PDE10A: variants seen among roughly 807,000 people sequenced by gnomAD.
PDE10A encodes the protein phosphodiesterase 10A, also known as cAMP and cAMP-inhibited cGMP 3',5'-cyclic phosphodiesterase 10A.
Under a neutral mutation model 97.7 loss-of-function variants are expected in PDE10A, and 39 were observed. The observed-to-expected ratio is 0.40, with a 90% CI of 0.31 to 0.52. PDE10A has a LOEUF of 0.52. Ranked by LOEUF, PDE10A falls within the 20% of genes least tolerant of loss-of-function variation. The pLI is 0.56. For synonymous variants in PDE10A, 371 were observed against 376.8 expected (o/e 0.98, Z 0.18); for missense variants, 731 against 1,047.8 (o/e 0.70, Z 4.17).
At chr6:165,689,759 C>T (rs1369887091) in intron 1 of PDE10A, among the ~76,000 whole-genome samples, 1 of 152,256 alleles carries the variant, frequency 6.6e-6, no homozygotes, top group Non-Finnish European at 1.5e-5. Flanking sequence ...AACCTCTTAC[C>T]CAGTCGTGGG....
At chr6:165,771,400 T>TA (rs1305677224) in intron 1 of PDE10A, among the ~76,000 whole-genome samples, 5 of 151,946 alleles carry the variant, frequency 3.3e-5, no homozygotes, top group African/African-American at 1.2e-4. Context: ...ACATGAGCCC[T>TA]ACAGACGTTT....
intron 1 of PDE10A, among the ~76,000 whole-genome samples, chr6:165,755,520 G>T (rs1546141): frequency 0.17 from 26,519 of 152,018 alleles, 2,661 homozygotes; most frequent in East Asian, 0.36. Flanking sequence ...CTTAAAATAC[G>T]GCACAAAATT....
chr6:165,442,695 G>A (rs1423122396), intron 5 of PDE10A, among the ~76,000 whole-genome samples: 2 of 152,050 alleles, frequency 1.3e-5, no homozygotes, highest in Non-Finnish European at 2.9e-5. Flanking sequence ...TTTTGGTGGG[G>A]CAACAGAGTC....
intron 1 of PDE10A, among the ~76,000 whole-genome samples, chr6:165,978,193 C>G (rs1180880891): frequency 6.6e-6 from 1 of 152,152 alleles, no homozygotes; most frequent in East Asian, 1.9e-4. Flanking sequence ...TAAAATTCAC[C>G]TAAGCTGTTT....
intron 2 of PDE10A, among the ~76,000 whole-genome samples, chr6:165,505,536 G>C (rs1781142787): frequency 6.6e-6 from 1 of 152,114 alleles, no homozygotes; most frequent in African/African-American, 2.4e-5. Context: ...AAATAAATAT[G>C]CAGCTAGGTC....
chr6:165,372,950 A>C, intron 18 of PDE10A, among the ~76,000 whole-genome samples: 1 of 150,138 alleles, frequency 6.7e-6, no homozygotes, highest in Non-Finnish European at 1.5e-5. Context: ...CTGATCTTTG[A>C]CAAACCTGAC....
At chr6:165,430,211 C>T in intron 9 of PDE10A, 76 bp downstream of exon 9, 1 of 993,618 alleles carries the variant, frequency 1.0e-6, no homozygotes, top group South Asian at 1.4e-5. Flanking sequence ...AGACAATGGT[C>T]TATTTCTGCC....
intron 1 of PDE10A, among the ~76,000 whole-genome samples, chr6:165,734,965 GATAGATA>G (rs1792528778): frequency 1.3e-5 from 2 of 151,462 alleles, no homozygotes; most frequent in African/African-American, 2.4e-5. Flanking sequence ...TAGATAGATA[GATAGATA>G]GATAGATAGA....
At chr6:165,937,861 C>G (rs1783386419) in intron 1 of PDE10A, among the ~76,000 whole-genome samples, 1 of 152,198 alleles carries the variant, frequency 6.6e-6, no homozygotes, top group Non-Finnish European at 1.5e-5. Context: ...GCTAACCAAA[C>G]TAGTCTTGTT....
intron 1 of PDE10A, among the ~76,000 whole-genome samples, chr6:165,695,627 A>G (rs1320509462): frequency 6.6e-6 from 1 of 152,212 alleles, no homozygotes; most frequent in African/African-American, 2.4e-5. Context: ...TAGCTCCTGT[A>G]TCTTCGCAGA....
intron 1 of PDE10A, among the ~76,000 whole-genome samples, chr6:165,745,868 G>T (rs1792831164): frequency 6.6e-6 from 1 of 152,204 alleles, no homozygotes; most frequent in Non-Finnish European, 1.5e-5. Context: ...GTTACTCCTG[G>T]TGCAGAAGGA....
At chr6:165,811,920 C>G (rs62427304) in intron 1 of PDE10A, among the ~76,000 whole-genome samples, 9,735 of 152,140 alleles carry the variant, frequency 0.064, 405 homozygotes, top group South Asian at 0.11. Flanking sequence ...GTGGTGCGAT[C>G]TCAGCTCACT....
chr6:165,406,987 T>C (rs1158977058), intron 13 of PDE10A, among the ~76,000 whole-genome samples: 1 of 152,130 alleles, frequency 6.6e-6, no homozygotes, highest in Non-Finnish European at 1.5e-5. Flanking sequence ...GTTGTGAGGC[T>C]TTCAGACTTG....
At chr6:165,842,611 CTCGTTTTAG>C (rs1412339406) in intron 1 of PDE10A, among the ~76,000 whole-genome samples, 6 of 152,212 alleles carry the variant, frequency 3.9e-5, no homozygotes, top group Admixed American at 2.0e-4. Flanking sequence ...GCTTTCCATG[CTCGTTTTAG>C]TGATGTTTGC....
At position 165,495,507 on chromosome 6, in the gene PDE10A, A is replaced by G. The variant is rs373386565; in HGVS notation, c.995-13164T>C. ...AATATGCAAGATAGCTAATTTCCCTATTAAGTCAATTTTACCAGGTAAAAC... is the reference window on the plus strand; with the variant it reads ...AATATGCAAGATAGCTAATTTCCCTGTTAAGTCAATTTTACCAGGTAAAAC... On this transcript the variant is annotated intron_variant, in intron 2 of 21. Coordinates refer to ENST00000539869, the MANE Select transcript of PDE10A (RefSeq NM_001385079.1). Among the ~76,000 whole-genome samples, 27 of 152,000 alleles carry G rather than the reference A, an allele frequency of 1.8e-4. No individual in the cohort carries two copies. In the East Asian group the frequency reaches 3.5e-3, roughly 20 times the overall value.
intron 1 of PDE10A, among the ~76,000 whole-genome samples, chr6:165,779,363 G>C (rs1192914958): frequency 6.6e-6 from 1 of 152,164 alleles, no homozygotes; most frequent in African/African-American, 2.4e-5. Context: ...GTTCACACTT[G>C]CACATGTGTG....
At chr6:165,764,562 C>T (rs527765283) in intron 1 of PDE10A, among the ~76,000 whole-genome samples, 166 of 149,970 alleles carry the variant, frequency 1.1e-3, no homozygotes, top group African/African-American at 3.8e-3. Flanking sequence ...TTTCTTCTTT[C>T]TGGTGGGTTT....
chr6:165,756,282 TA>T (rs1440017396), intron 1 of PDE10A, among the ~76,000 whole-genome samples: 1 of 152,184 alleles, frequency 6.6e-6, no homozygotes, highest in Non-Finnish European at 1.5e-5. Flanking sequence ...TTTCCTATTT[TA>T]AAAAATACTT....
chr6:165,701,312 TCTGA>T (rs1208510799), intron 1 of PDE10A, among the ~76,000 whole-genome samples: 36 of 152,328 alleles, frequency 2.4e-4, no homozygotes, highest in Admixed American at 4.6e-4. Flanking sequence ...ATGTTTGTCT[TCTGA>T]CTGTGTGCAG....
Sources: gnomAD v4.1 joint callset for allele counts (sites outside exome capture counted in the v4.1 genomes callset) on GRCh38, gnomAD v4.1.1 for gene constraint, MANE v1.5 for transcripts, NCBI Gene and HGNC (gene_info 2026-07-23, HGNC 2026-07-21) for gene names.